Variants in TTBK1 observed in about 807,000 individuals in gnomAD.
TTBK1 encodes the protein tau tubulin kinase 1, also known as tau-tubulin kinase 1.
Under a neutral mutation model 108.5 loss-of-function variants are expected in TTBK1, and 34 were observed. The observed-to-expected ratio is 0.31, with a 90% CI of 0.24 to 0.42. TTBK1 has a LOEUF of 0.42. TTBK1 is among the 10% of genes least tolerant of loss of function. TTBK1 has a pLI of 1.00. For synonymous variants in TTBK1, 809 were observed against 795.1 expected (o/e 1.02, Z -0.29); for missense variants, 1,539 against 1,826.0 (o/e 0.84, Z 2.86).
chr6:43,282,646 T>C lies in TTBK1; in HGVS notation c.1987-81T>C, dbSNP rs533783266. On this transcript the variant is annotated intron_variant, in intron 13 of 14. Transcript: ENST00000259750. This position sits in a 1 kb window ranked among gnomAD's most constrained non-coding sequence, Gnocchi z 5.4. ...AGACGACCTGGGCCTGTGAGTCTCC[T>C]AGGTTGTGGGTGCAGCTGAAGTCTT... is the stretch of plus-strand genomic sequence containing the variant. 3.4e-5 allele frequency: 41 copies of C among 1,223,054 alleles called. No homozygotes were observed. The South Asian group carries it at 4.8e-4, about 14-fold the overall frequency. 75.8% of individuals were successfully genotyped at this position (1,223,054 alleles called of 1,614,324 possible). A position where few individuals can be genotyped will look rare whatever the true frequency, so the allele number is the denominator to read the frequency against.
chr6:43,275,130 T>TG (rs1417558082), intron 13 of TTBK1, among the ~76,000 whole-genome samples: 1 of 152,104 alleles, frequency 6.6e-6, no homozygotes, highest in African/African-American at 2.4e-5. Flanking sequence ...CTCCGGACCC[T>TG]GCACTAGCGG....
chr6:43,280,451 T>C (rs1451687713), intron 13 of TTBK1, among the ~76,000 whole-genome samples: 1 of 152,224 alleles, frequency 6.6e-6, no homozygotes. Context: ...CCTTTGCTTA[T>C]ATGACCTCAT....
At chr6:43,278,155 C>T (rs1778059480) in intron 13 of TTBK1, among the ~76,000 whole-genome samples, 1 of 152,152 alleles carries the variant, frequency 6.6e-6, no homozygotes, top group Non-Finnish European at 1.5e-5. Context: ...GCCCCGTCTC[C>T]AGTGTCGGTG....
At chr6:43,281,836 A>T (rs949886807) in intron 13 of TTBK1, among the ~76,000 whole-genome samples, 3 of 152,112 alleles carry the variant, frequency 2.0e-5, no homozygotes, top group Non-Finnish European at 4.4e-5. Context: ...GTGCCTGGGG[A>T]TGTCTGTGTA....
At chr6:43,244,773 A>G (rs566064980) in intron 1 of TTBK1, among the ~76,000 whole-genome samples, 75 of 152,120 alleles carry the variant, frequency 4.9e-4, no homozygotes, top group Non-Finnish European at 8.4e-4. Context: ...AGCCCACCAG[A>G]GTTCACCCAG....
intron 13 of TTBK1, among the ~76,000 whole-genome samples, chr6:43,275,047 C>T (rs955572380): frequency 6.6e-6 from 1 of 152,118 alleles, no homozygotes; most frequent in Non-Finnish European, 1.5e-5. Flanking sequence ...ACTCACTAAC[C>T]GGCCCTCACG....
chr6:43,252,990 G>C, intron 3 of TTBK1, 104 bp downstream of exon 3: 2 of 1,418,262 alleles, frequency 1.4e-6, no homozygotes, highest in Non-Finnish European at 1.9e-6. Flanking sequence ...ATGTCGTGTG[G>C]TAGAGGGAAA....
At chr6:43,258,747 T>C (rs1777443190) in intron 10 of TTBK1, among the ~76,000 whole-genome samples, 1 of 152,198 alleles carries the variant, frequency 6.6e-6, no homozygotes, top group Non-Finnish European at 1.5e-5. Context: ...AGCCAGACAG[T>C]GAACGCCAAT....
intron 12 of TTBK1, among the ~76,000 whole-genome samples, chr6:43,261,395 C>T (rs367849313): frequency 2.6e-5 from 4 of 152,050 alleles, no homozygotes; most frequent in African/African-American, 7.2e-5. Flanking sequence ...TGAGAGAGGG[C>T]GATTCTTTCT....
At position 43,253,345 on chromosome 6, in the gene TTBK1, A is replaced by G; in HGVS notation, c.311A>G (p.Tyr104Cys). 1 of 1,614,090 alleles carries G rather than the reference A, an allele frequency of 6.2e-7. No homozygotes were observed. The highest frequency in any genetic ancestry group is 8.5e-7 in the Non-Finnish European group (1 of 1,179,994). The change falls in exon 4 of 15, where the codon TAT becomes TGT. Residue 104 changes from tyrosine (Y) to cysteine (C), a missense_variant. Tyr to Cys is a radical substitution (Grantham distance 194, BLOSUM62 -2). Coordinates refer to ENST00000259750, the MANE Select transcript of TTBK1 (RefSeq NM_032538.3). This position sits in a 1 kb window ranked among gnomAD's most constrained non-coding sequence, Gnocchi z 5.8. ...TGTGGCAGGAACGAGAAGTTTAACTATGTAGTGATGCAGCTCCAGGTGAGT... is the reference window on the plus strand; with the variant it reads ...TGTGGCAGGAACGAGAAGTTTAACTGTGTAGTGATGCAGCTCCAGGTGAGT... ...IGCGRNEKFN[Y>C]VVMQLQGRNL...
Position 43,283,146 on chromosome 6 carries a change from G to C in TTBK1, c.2406G>C (p.Glu802Asp). 1 of 1,567,864 alleles carries C rather than the reference G, an allele frequency of 6.4e-7. No individual in the cohort carries two copies. The highest frequency in any genetic ancestry group is 8.6e-7 in the Non-Finnish European group (1 of 1,157,054). Residue 802 changes from glutamate to aspartate, a missense_variant, in exon 14 of 15, where the codon GAG becomes GAC. Glu to Asp is a conservative substitution (Grantham distance 45). Around this residue, in one of 5 missense-constraint regions of TTBK1, gnomAD observed 1,055 missense variants for 1,086.5 expected, o/e 0.97. Coordinates refer to ENST00000259750, the MANE Select transcript of TTBK1 (RefSeq NM_032538.3). This position sits in a 1 kb window ranked among gnomAD's most constrained non-coding sequence, Gnocchi z 8.1. ...AGAGGAGCACTGACCGGAGCCAGGA[G>C]GGTGCCCCGTCCACGCTGCTGGCAG... ...GSERSTDRSQ[E>D]GAPSTLLADD...
chr6:43,252,182 CTGTGTGTGTGTGTGTGTGTG>C lies in TTBK1; in HGVS notation c.109-533_109-514del, dbSNP rs58985204. On this transcript the variant is annotated intron_variant, in intron 2 of 14. Transcript: ENST00000259750. ...TTTTACCCTTTCCTGACATCTGGCT[CTGTGTGTGTGTGTGTGTGTG>C]TGTGTGTGTGTGTGTGTGTGTGTAT... Among the ~76,000 whole-genome samples, 17 of 140,118 alleles carry C rather than the reference CTGTGTGTGTGTGTGTGTGTG, an allele frequency of 1.2e-4. No individual in the cohort carries two copies. The East Asian group carries it at 2.5e-3, about 21-fold the overall frequency. The allele number at this position is 140,118 out of a possible 152,430, so 91.9% of individuals were successfully genotyped here.
rs750767691 is a variant in TTBK1, at chr6:43,283,195, C to G, written c.2455C>G (p.Arg819Gly). ...AGACGATCAGAAGGAGTCCAGGGGC[C>G]GGGCCTCCATGGCCGATGGGGACCT... ...LADDQKESRG[R>G]ASMADGDLEP... The change falls in exon 14 of 15, where the codon CGG becomes GGG. Residue 819 changes from arginine to glycine, a missense_variant. Physicochemically the swap from Arg to Gly is moderately radical, Grantham distance 125 (BLOSUM62 -2). Around this residue, in one of 5 missense-constraint regions of TTBK1, gnomAD observed 1,055 missense variants for 1,086.5 expected, o/e 0.97. Coordinates refer to ENST00000259750, the MANE Select transcript of TTBK1 (RefSeq NM_032538.3). This position sits in a 1 kb window ranked among gnomAD's most constrained non-coding sequence, Gnocchi z 8.1. The G allele has an allele frequency of 6.4e-7, 1 of 1,552,970 alleles. No individual in the cohort carries two copies. Among genetic ancestry groups the G allele is most frequent in the Admixed American group, 2.0e-5 (1 of 51,236 alleles).
chr6:43,279,955 C>G (rs895600662), intron 13 of TTBK1, among the ~76,000 whole-genome samples: 4 of 148,956 alleles, frequency 2.7e-5, no homozygotes, highest in Non-Finnish European at 6.0e-5. Flanking sequence ...GCCATGTTCC[C>G]CAGGCTGAGG....
intron 3 of TTBK1, 89 bp downstream of exon 3, chr6:43,252,975 A>G: frequency 6.7e-7 from 1 of 1,496,548 alleles, no homozygotes; most frequent in Non-Finnish European, 9.1e-7. Context: ...GGGGTGAGGG[A>G]GGAGATGTCG....
At chr6:43,252,602 A>G in intron 2 of TTBK1, 137 bp from the exon 3 acceptor site, 1 of 975,044 alleles carries the variant, frequency 1.0e-6, no homozygotes, top group Non-Finnish European at 1.5e-6. Flanking sequence ...AGCCTGGGCG[A>G]CAAAGTGAGA....
chr6:43,259,065 G>C lies in TTBK1; in HGVS notation c.1044G>C (p.Gly348=). Residue 348 remains glycine (G), a synonymous_variant, in exon 11 of 15, where the codon GGG becomes GGC. Coordinates refer to ENST00000259750, the MANE Select transcript of TTBK1 (RefSeq NM_032538.3). This position sits in a 1 kb window ranked among gnomAD's most constrained non-coding sequence, Gnocchi z 6.7. ...TGGTCAATGTGACGCCAGTGCCTGG[G>C]GACCTGCTCCGGGAGAACACCGAGG... ...FGVVNVTPVP[G]DLLRENTEDV... is the part of the protein sequence containing the mutation. 1 of 1,613,594 alleles carries C rather than the reference G, an allele frequency of 6.2e-7. No homozygotes were observed. Among genetic ancestry groups the C allele is most frequent in the Non-Finnish European group, 8.5e-7 (1 of 1,179,694 alleles).
intron 2 of TTBK1, among the ~76,000 whole-genome samples, chr6:43,252,118 A>G (rs1349393015): frequency 6.6e-6 from 1 of 151,920 alleles, no homozygotes; most frequent in East Asian, 1.9e-4. Context: ...TCAGAATCCT[A>G]CATTAGGCTT....
intron 13 of TTBK1, among the ~76,000 whole-genome samples, chr6:43,277,868 C>T (rs915121958): frequency 6.6e-6 from 1 of 152,178 alleles, no homozygotes; most frequent in African/African-American, 2.4e-5. Context: ...GTGCTTCTTC[C>T]CTACTGGAGG....
Sources: gnomAD v4.1 joint callset for allele counts (sites outside exome capture counted in the v4.1 genomes callset) on GRCh38, gnomAD v4.1.1 for gene constraint, gnomAD v4.1.1 regional missense constraint, Gnocchi (gnomAD v3.1) non-coding constraint, MANE v1.5 for transcripts, NCBI Gene and HGNC (gene_info 2026-07-23, HGNC 2026-07-21) for gene names.